The following ZNF219 variants were observed in gnomAD, a reference collection of about 807,000 sequenced individuals.
ZNF219 encodes the protein zinc finger protein 219.
Under a neutral mutation model 54.4 loss-of-function variants are expected in ZNF219, and 17 were observed. That is an observed-to-expected ratio of 0.31 (90% CI 0.21 to 0.47). The LOEUF (loss-of-function observed/expected upper bound fraction) is 0.47, where lower values mean the gene tolerates loss of function less well. ZNF219 is among the 20% of genes least tolerant of loss of function. The pLI is 1.00. For missense variants in ZNF219, 1,014 were observed against 1,062.3 expected, an observed-to-expected ratio of 0.95 and a Z score of 0.63; for synonymous variants, 518 against 476.4, an observed-to-expected ratio of 1.09 and a Z score of -1.14.
chr14:21,096,099 A>T (rs1425842379), intron 1 of ZNF219, among the ~76,000 whole-genome samples: 2 of 152,186 alleles, frequency 1.3e-5, no homozygotes, highest in African/African-American at 4.8e-5. Flanking sequence ...ACATACTCTC[A>T]TTCTGAGAAG....
At chr14:21,091,655 A>G in intron 3 of ZNF219, 113 bp from the exon 4 acceptor site, 3 of 1,489,294 alleles carry the variant, frequency 2.0e-6, no homozygotes, top group Non-Finnish European at 2.7e-6. Flanking sequence ...CCAGGAGGAA[A>G]CAAAGTCTGA....
Position 21,092,143 on chromosome 14 carries a change from C to T in ZNF219, c.1154G>A (p.Arg385Gln). The T allele has an allele frequency of 1.3e-6, 2 of 1,490,306 alleles. No homozygotes were observed. The highest frequency in any genetic ancestry group is 2.3e-5 in the Admixed American group (1 of 42,878). The allele number at this position is 1,490,306 out of a possible 1,614,324, so 92.3% of individuals were successfully genotyped here. The stretch of plus-strand genomic sequence containing the variant: ...GCCGTTGGGCCGGCCCTCGCCAGCT[C>T]GCAGGCTCAGGTAGCCCAAGAGGCT... ...PPSLLGYLSLRAGEGRPNGEG... is the reference protein window; with the variant it reads ...PPSLLGYLSLQAGEGRPNGEG... The change falls in exon 3 of 5, where the codon CGA (arginine) becomes CAA (glutamine). Residue 385 changes from arginine (R) to glutamine (Q), a missense_variant. Around this residue, in one of 5 missense-constraint regions of ZNF219, gnomAD observed 272 missense variants for 248.9 expected, o/e 1.09. Transcript: ENST00000360947.
At chr14:21,093,813 G>T in intron 1 of ZNF219, 139 bp from the exon 2 acceptor site, 1 of 739,314 alleles carries the variant, frequency 1.4e-6, no homozygotes. Flanking sequence ...GGCACGAAGG[G>T]GCTGCTATAC....
At chr14:21,099,827 G>A (rs932979762), upstream of ZNF219, among the ~76,000 whole-genome samples, 1 of 152,102 alleles carries the variant, frequency 6.6e-6, no homozygotes, top group Admixed American at 6.5e-5. Context: ...AGGTAGATCT[G>A]GGATTTGTTT....
chr14:21,102,000 G>A (rs1195404218), upstream of ZNF219: 10 of 1,550,670 alleles, frequency 6.4e-6, no homozygotes, highest in Admixed American at 7.9e-5. Flanking sequence ...AAGGGAGGGT[G>A]GAAGGTCCCA....
upstream of ZNF219, chr14:21,102,456 G>A (rs1452280383): frequency 5.8e-6 from 9 of 1,549,460 alleles, no homozygotes; most frequent in Non-Finnish European, 5.2e-6. Flanking sequence ...GGGTTTCATA[G>A]TGGTGGTGGT....
At chr14:21,094,275 G>A in intron 1 of ZNF219, 1 of 433,120 alleles carries the variant, frequency 2.3e-6, no homozygotes, top group Non-Finnish European at 4.7e-6. Flanking sequence ...AGACAGAGGG[G>A]GAGGGGCATG....
chr14:21,102,004 G>A (rs1566557708), upstream of ZNF219: 2 of 1,550,820 alleles, frequency 1.3e-6, no homozygotes, highest in Non-Finnish European at 1.7e-6. Context: ...GAGGGTGGAA[G>A]GTCCCAGGGC....
chr14:21,093,255 C>T lies in ZNF219; in HGVS notation c.42G>A (p.Ala14=). 6.3e-7 allele frequency: 1 copy of T among 1,595,438 alleles called. No individual in the cohort carries two copies. Among genetic ancestry groups the T allele is most frequent in the Non-Finnish European group, 8.5e-7 (1 of 1,177,560 alleles). The change falls in exon 3 of 5, where the codon GCG becomes GCA. Residue 14 remains alanine, a synonymous_variant. Coordinates refer to ENST00000360947, the MANE Select transcript of ZNF219 (RefSeq NM_016423.3). ...CGCCGTCGAAAGCCGGCGGCGACGG[C>T]GCTAAGTGGCCGCTCGGGGCGCGGG... ...SRPRAPSGHL[A]PSPPAFDGEL...
upstream of ZNF219, among the ~76,000 whole-genome samples, chr14:21,099,965 C>T (rs1889532358): frequency 6.6e-6 from 1 of 152,170 alleles, no homozygotes; most frequent in Admixed American, 6.5e-5. Flanking sequence ...TCATCAGCAC[C>T]ACTAATAGTT....
chr14:21,103,302 C>T (rs755001481), upstream of ZNF219: 4 of 1,533,780 alleles, frequency 2.6e-6, no homozygotes, highest in Admixed American at 4.1e-5. Context: ...CCACCAAACT[C>T]AGAAGCTTGC....
chr14:21,102,162 A>G, upstream of ZNF219: 2 of 1,532,374 alleles, frequency 1.3e-6, no homozygotes, highest in East Asian at 2.5e-5. Flanking sequence ...CCACTCCCTA[A>G]AACAGACACC....
upstream of ZNF219, among the ~76,000 whole-genome samples, chr14:21,100,369 TATAATAATA>T (rs3061999): frequency 6.7e-6 from 1 of 149,324 alleles, no homozygotes; most frequent in African/African-American, 2.5e-5. Flanking sequence ...GTCTCAATAA[TATAATAATA>T]ATAATAATAA....
In ZNF219 at chr14:21,091,080, T is replaced by G. The variant is rs1187741054; in HGVS notation, c.1625A>C (p.Lys542Thr). The change falls in exon 5 of 5, where the codon AAG becomes ACG. Residue 542 changes from lysine to threonine, a missense_variant. Lys to Thr is a moderately conservative substitution (Grantham distance 78). This residue lies in a region of ZNF219 where 281 missense variants were observed against 271.2 expected (regional missense o/e 1.04). Transcript: ENST00000360947. The stretch of plus-strand genomic sequence containing the variant: ...CCGGTGGTGGCGCTGTAGGTGATAC[T>G]TGAGCGAGCCGGACTGGGTGCCCGC... ...DYAGTQSGSL[K>T]YHLQRHHREQ... 1.3e-6 allele frequency: 2 copies of G among 1,570,958 alleles called. No homozygotes were observed. Among genetic ancestry groups the G allele is most frequent in the Non-Finnish European group, 1.7e-6 (2 of 1,162,904 alleles).
intron 1 of ZNF219, among the ~76,000 whole-genome samples, chr14:21,095,157 G>T (rs1384202577): frequency 6.6e-6 from 1 of 152,084 alleles, no homozygotes; most frequent in Non-Finnish European, 1.5e-5. Flanking sequence ...CTCCATGAAG[G>T]GGCAGGTACC....
chr14:21,091,872 G>A lies in ZNF219; in HGVS notation c.1425C>T (p.Ala475=), dbSNP rs1290980136. ...CGGAGGGTACCTACATACCCTGCGT[G>A]GCGGTCGATCTTGCCTGGGCCCCAG... ...SAAGAQARST[A]TQEENGLLVG... The change falls in exon 3 of 5, where the codon GCC becomes GCT. Residue 475 remains alanine, a synonymous_variant. Transcript: ENST00000360947. The A allele has an allele frequency of 1.2e-5, 18 of 1,550,190 alleles. No individual in the cohort carries two copies. In the East Asian group the frequency reaches 3.9e-4, roughly 34 times the overall value.
chr14:21,092,037 C>T lies in ZNF219; in HGVS notation c.1260G>A (p.Arg420=). The T allele has an allele frequency of 6.5e-7, 1 of 1,547,436 alleles. No individual in the cohort carries two copies. Among genetic ancestry groups the T allele is most frequent in the Non-Finnish European group, 8.7e-7 (1 of 1,146,048 alleles). ...LSSALPARAR[R]HRAEEPEEEE... ...CTTCCTCAGGCTCCTCCGCACGGTG[C>T]CGGCGAGCCCGGGCCGGGAGAGCAG... Residue 420 remains arginine (R), a synonymous_variant, in exon 3 of 5, where the codon CGG becomes CGA. Coordinates refer to ENST00000360947, the MANE Select transcript of ZNF219 (RefSeq NM_016423.3).
upstream of ZNF219, chr14:21,102,064 G>A (rs1461702563): frequency 6.4e-7 from 1 of 1,551,164 alleles, no homozygotes; most frequent in African/African-American, 1.4e-5. Flanking sequence ...CACCATTCAG[G>A]GTCTCCTCAC....
chr14:21,092,191 G>A lies in ZNF219; in HGVS notation c.1106C>T (p.Pro369Leu), dbSNP rs921348586. Residue 369 changes from proline (P) to leucine (L), a missense_variant, in exon 3 of 5, where the codon CCG becomes CTG. Physicochemically the swap from Pro to Leu is moderately conservative, Grantham distance 98. Around this residue, in one of 5 missense-constraint regions of ZNF219, gnomAD observed 272 missense variants for 248.9 expected, o/e 1.09. Transcript: ENST00000360947. ...GCTCGGGGGCTCACGGCGCTCGGCC[G>A]GGGTGGGAGCCGGGGCCAAGAGGAG... ...PALLLAPAPT[P>L]AERREPPSLL... The A allele has an allele frequency of 7.0e-6, 10 of 1,437,768 alleles. No individual in the cohort carries two copies. The highest frequency in any genetic ancestry group is 5.8e-5 in the African/African-American group (4 of 68,458). The allele number at this position is 1,437,768 out of a possible 1,614,324, so 89.1% of individuals were successfully genotyped here.
Sources: allele counts gnomAD v4.1 joint callset (sites outside exome capture counted in the v4.1 genomes callset), GRCh38; gene constraint gnomAD v4.1.1; regional missense constraint gnomAD v4.1.1; transcripts MANE v1.5; gene names NCBI Gene and HGNC (gene_info 2026-07-23, HGNC 2026-07-21).